Variants in HORMAD1 observed in about 807,000 individuals in gnomAD.
HORMAD1 encodes HORMA domain containing 1.
HORMAD1 carries 33 observed loss-of-function variants against 58.2 expected under a neutral mutation model. The observed-to-expected ratio is 0.57, with a 90% confidence interval of 0.43 to 0.76. HORMAD1 has a LOEUF of 0.76. Ranked by LOEUF, HORMAD1 falls within the 30% of genes least tolerant of loss-of-function variation. HORMAD1 has a pLI of 0.00. For missense variants in HORMAD1, 363 were observed against 462.0 expected (o/e 0.79, Z 1.96); for synonymous variants, 137 against 144.6 (o/e 0.95, Z 0.38).
chr1:150,712,440 C>A (rs1651931617), intron 5 of HORMAD1, among the ~76,000 whole-genome samples: 1 of 152,186 alleles, frequency 6.6e-6, no homozygotes, highest in African/African-American at 2.4e-5. Flanking sequence ...CTGGTCTAAG[C>A]AACCATTATT....
At chr1:150,704,810 A>G (rs1344746588) in intron 10 of HORMAD1, among the ~76,000 whole-genome samples, 7 of 152,154 alleles carry the variant, frequency 4.6e-5, no homozygotes, top group Non-Finnish European at 1.0e-4. Context: ...TGGGAGGCTG[A>G]GGTGGGCAGA....
intron 7 of HORMAD1, among the ~76,000 whole-genome samples, chr1:150,710,731 T>C (rs17606662): frequency 0.011 from 1,623 of 152,322 alleles, 15 homozygotes; most frequent in South Asian, 0.025. Flanking sequence ...ATACTTCTAT[T>C]GCTTTCTTTA....
At chr1:150,703,732 T>A (rs994074784) in intron 12 of HORMAD1, among the ~76,000 whole-genome samples, 2 of 152,204 alleles carry the variant, frequency 1.3e-5, no homozygotes, top group Non-Finnish European at 2.9e-5. Context: ...TCCAAGTTCA[T>A]ATTACCTAAA....
intron 6 of HORMAD1, 101 bp downstream of exon 6, chr1:150,711,732 A>G (rs1651911561): frequency 2.1e-6 from 2 of 951,006 alleles, no homozygotes; most frequent in African/African-American, 1.6e-5. Context: ...CAGTTATTTG[A>G]ATAATGTGAC....
intron 9 of HORMAD1, 99 bp downstream of exon 9, chr1:150,708,157 A>G: frequency 1.1e-6 from 1 of 935,910 alleles, no homozygotes; most frequent in South Asian, 2.3e-5. Context: ...TATAATTTCA[A>G]AAAATTTAGG....
chr1:150,719,539 C>T lies in HORMAD1; in HGVS notation c.-33-1G>A. The T allele has an allele frequency of 6.6e-7, 1 of 1,520,646 alleles. No individual in the cohort carries two copies. The highest frequency in any genetic ancestry group is 9.0e-7 in the Non-Finnish European group (1 of 1,116,196). The allele number at this position is 1,520,646 out of a possible 1,614,324, so 94.2% of individuals were successfully genotyped here. On this transcript the variant is annotated splice_acceptor_variant, in intron 1 of 14. Coordinates refer to ENST00000361824, the MANE Select transcript of HORMAD1 (RefSeq NM_032132.5). LOFTEE classifies it low-confidence loss of function (5UTR_SPLICE). Reference sequence around the variant, plus strand: ...GATAAAGTATTTTCTTTAATTCAACCTTGTGACACAAATACAAGCTTTAAC... The same window carrying T: ...GATAAAGTATTTTCTTTAATTCAACTTTGTGACACAAATACAAGCTTTAAC...
At chr1:150,700,008 G>A in intron 14 of HORMAD1, 104 bp downstream of exon 14, 1 of 572,220 alleles carries the variant, frequency 1.7e-6, no homozygotes, top group Admixed American at 3.3e-5. Flanking sequence ...AGAACTCTCA[G>A]GTACATCGAA....
rs150850619 is a variant in HORMAD1 at position 150,704,155 on chromosome 1, G to A, written c.911C>T (p.Ser304Phe). Residue 304 changes from serine to phenylalanine, a missense_variant, in exon 12 of 15, where the codon TCT becomes TTT. Transcript: ENST00000361824. Reference protein sequence around the residue: ...LVCEEDEIMRSKESPDLSISH... With the variant: ...LVCEEDEIMRFKESPDLSISH... ...AATAGAAAGATCTGGACTTTCTTTA[G>A]ACCTCATAATTTCATCTTCCTCACA... 1.6e-4 allele frequency: 248 copies of A among 1,584,670 alleles called. No individual in the cohort carries two copies. The African/African-American group carries it at 3.1e-3, about 20-fold the overall frequency.
chr1:150,707,674 G>C (rs758121723), intron 9 of HORMAD1, among the ~76,000 whole-genome samples: 1 of 152,160 alleles, frequency 6.6e-6, no homozygotes, highest in Non-Finnish European at 1.5e-5. Context: ...TGTGGCTCAC[G>C]CCTGTTATTC....
At chr1:150,711,634 G>T in intron 6 of HORMAD1, 63 bp from the exon 7 acceptor site, 1 of 1,282,234 alleles carries the variant, frequency 7.8e-7, no homozygotes, top group Non-Finnish European at 1.1e-6. Context: ...TAAATTAGAT[G>T]TTTAGACTAA....
At chr1:150,720,599 C>G (rs587722347) in intron 1 of HORMAD1, among the ~76,000 whole-genome samples, 1 of 152,168 alleles carries the variant, frequency 6.6e-6, no homozygotes, top group South Asian at 2.1e-4. Flanking sequence ...TTAAATTTAT[C>G]CTGACAAATC....
intron 13 of HORMAD1, among the ~76,000 whole-genome samples, chr1:150,702,966 T>C (rs1004589803): frequency 6.6e-6 from 1 of 152,166 alleles, no homozygotes; most frequent in African/African-American, 2.4e-5. Flanking sequence ...GAAATTTCTC[T>C]GGGAGTCTGG....
In HORMAD1 at chr1:150,706,540, G is replaced by T; in HGVS notation, c.804+13C>A. On this transcript the variant is annotated intron_variant, in intron 10 of 14. Coordinates refer to ENST00000361824, the MANE Select transcript of HORMAD1 (RefSeq NM_032132.5). ...GTTATTATTGTTCTTTATAACTCTT[G>T]AAATACACTTACACTTGTATAATGC... The T allele has an allele frequency of 1.9e-6, 3 of 1,578,260 alleles. No homozygotes were observed. The highest frequency in any genetic ancestry group is 2.6e-6 in the Non-Finnish European group (3 of 1,156,442).
chr1:150,709,155 A>G (rs1442524466), intron 7 of HORMAD1, among the ~76,000 whole-genome samples, 194 bp from the exon 8 acceptor site: 2 of 152,168 alleles, frequency 1.3e-5, no homozygotes, highest in African/African-American at 2.4e-5. Context: ...TCTTGGAGAG[A>G]CATTTATTTC....
At chr1:150,720,081 AT>A (rs1207291421) in intron 1 of HORMAD1, among the ~76,000 whole-genome samples, 6 of 75,418 alleles carry the variant, frequency 8.0e-5, no homozygotes, top group Admixed American at 7.2e-4. Context: ...TATATATACA[AT>A]TTTTTTTTTC....
Position 150,708,262 on chromosome 1 carries a change from C to T in HORMAD1, c.541G>A (p.Asp181Asn). The change falls in exon 9 of 15, where the codon GAT becomes AAT. Residue 181 changes from aspartate to asparagine, a missense_variant. This residue lies in a region of HORMAD1 where 226 missense variants were observed against 257.8 expected (regional missense o/e 0.88). Coordinates refer to ENST00000361824, the MANE Select transcript of HORMAD1 (RefSeq NM_032132.5). Reference protein sequence around the residue: ...VCLTMKLFYYDEVTPPDYQPP... With the variant: ...VCLTMKLFYYNEVTPPDYQPP... ...GATGTATTGCAAATAGTACCTTCAT[C>T]ATAGTAAAAAAGTTTCATGGTCAAA... is the stretch of plus-strand genomic sequence containing the variant. The T allele has an allele frequency of 6.3e-7, 1 of 1,599,828 alleles. No individual in the cohort carries two copies. Among genetic ancestry groups the T allele is most frequent in the Non-Finnish European group, 8.5e-7 (1 of 1,173,324 alleles).
intron 12 of HORMAD1, among the ~76,000 whole-genome samples, chr1:150,703,628 C>T (rs1250132490): frequency 6.6e-6 from 1 of 152,158 alleles, no homozygotes; most frequent in Non-Finnish European, 1.5e-5. Flanking sequence ...GATCACCAGG[C>T]ACCACCCTTC....
chr1:150,699,381 T>C (rs914697489), intron 14 of HORMAD1, among the ~76,000 whole-genome samples: 79 of 152,128 alleles, frequency 5.2e-4, no homozygotes, highest in African/African-American at 1.8e-3. Flanking sequence ...ATTTAGTAAA[T>C]TATCCTCCTT....
At chr1:150,702,337 G>C (rs1042309497) in intron 13 of HORMAD1, among the ~76,000 whole-genome samples, 1 of 152,204 alleles carries the variant, frequency 6.6e-6, no homozygotes, top group Non-Finnish European at 1.5e-5. Flanking sequence ...ATGTAAATTA[G>C]TTCAACCATT....
Sources: gnomAD v4.1 joint callset for allele counts (sites outside exome capture counted in the v4.1 genomes callset) on GRCh38, gnomAD v4.1.1 for gene constraint, gnomAD v4.1.1 regional missense constraint, MANE v1.5 for transcripts, NCBI Gene and HGNC (gene_info 2026-07-23, HGNC 2026-07-21) for gene names.